SUGCT: variants seen among roughly 807,000 people sequenced by gnomAD.
SUGCT encodes succinyl-CoA:glutarate CoA-transferase.
Under a neutral mutation model 55.0 loss-of-function variants are expected in SUGCT, and 41 were observed. The ratio of observed to expected loss-of-function variants is 0.74; its 90% CI spans 0.58 to 0.97. The LOEUF is 0.97. Ranked by LOEUF, SUGCT falls within the 50% of genes least tolerant of loss-of-function variation. SUGCT has a pLI of 0.00. For missense variants in SUGCT, 568 were observed against 547.8 expected (o/e 1.04, Z -0.37); for synonymous variants, 187 against 200.4 (o/e 0.93, Z 0.56).
intron 12 of SUGCT, among the ~76,000 whole-genome samples, chr7:40,650,674 C>T (rs1800734106): frequency 6.6e-6 from 1 of 152,102 alleles, no homozygotes; most frequent in Non-Finnish European, 1.5e-5. Flanking sequence ...AATTTGTTGC[C>T]TCATATTGCA....
chr7:40,749,564 C>G, intron 13 of SUGCT, 67 bp downstream of exon 13: 1 of 1,288,026 alleles, frequency 7.8e-7, no homozygotes, highest in Admixed American at 1.8e-5. Flanking sequence ...CTGTTTACTA[C>G]AGGTAGCTTA....
At chr7:40,929,078 C>G in the SUGCT span, among the ~76,000 whole-genome samples, 3 of 151,970 alleles carry the variant, frequency 2.0e-5, no homozygotes, top group South Asian at 4.2e-4. Context: ...TGCTATCCTT[C>G]CCCCAGCCCG....
At chr7:40,763,197 A>C (rs959613229) in intron 13 of SUGCT, among the ~76,000 whole-genome samples, 1 of 152,148 alleles carries the variant, frequency 6.6e-6, no homozygotes, top group African/African-American at 2.4e-5. Context: ...GGCTAGTTGT[A>C]GGGCACACCT....
the SUGCT span, among the ~76,000 whole-genome samples, chr7:40,905,420 C>T: frequency 1.3e-5 from 2 of 152,122 alleles, no homozygotes; most frequent in African/African-American, 4.8e-5. Context: ...GCAAGCATAA[C>T]TAATATTAAT....
chr7:40,648,912 G>T (rs535474856), intron 12 of SUGCT, among the ~76,000 whole-genome samples: 1 of 152,092 alleles, frequency 6.6e-6, no homozygotes, highest in Non-Finnish European at 1.5e-5. Flanking sequence ...GTTTTAAGCC[G>T]CCTAGTTTGA....
the SUGCT span, among the ~76,000 whole-genome samples, chr7:40,924,309 C>G: frequency 4.2e-5 from 5 of 119,474 alleles, no homozygotes; most frequent in African/African-American, 1.7e-4. Context: ...GGCATGATCT[C>G]AGTTTACTGC....
intron 13 of SUGCT, among the ~76,000 whole-genome samples, chr7:40,752,829 C>CT (rs979692969): frequency 7.2e-5 from 11 of 152,192 alleles, no homozygotes; most frequent in African/African-American, 2.4e-4. Context: ...TTTCTTTCTC[C>CT]TTTTTTTGTT....
At chr7:41,028,900 C>A in the SUGCT span, among the ~76,000 whole-genome samples, 5 of 152,154 alleles carry the variant, frequency 3.3e-5, no homozygotes, top group African/African-American at 9.7e-5. Flanking sequence ...CCCTCATGGG[C>A]TTGTTGAAGT....
intron 12 of SUGCT, among the ~76,000 whole-genome samples, chr7:40,714,467 T>G (rs888895361): frequency 4.0e-5 from 6 of 151,666 alleles, no homozygotes; most frequent in Non-Finnish European, 8.8e-5. Context: ...GAGCTATGGT[T>G]CTGCTGTAGT....
chr7:40,929,473 G>C, the SUGCT span, among the ~76,000 whole-genome samples: 1 of 152,266 alleles, frequency 6.6e-6, no homozygotes, highest in Admixed American at 6.5e-5. Flanking sequence ...GGTATTTCTA[G>C]TTCTAGATCC....
intron 9 of SUGCT, among the ~76,000 whole-genome samples, chr7:40,359,670 T>C (rs1798055876): frequency 1.3e-5 from 2 of 152,166 alleles, no homozygotes; most frequent in African/African-American, 4.8e-5. Flanking sequence ...GTCCTAACTG[T>C]GTTGTTGTAG....
chr7:40,268,783 C>T (rs547268287), intron 7 of SUGCT, among the ~76,000 whole-genome samples: 10 of 151,932 alleles, frequency 6.6e-5, no homozygotes, highest in Admixed American at 1.3e-4. Flanking sequence ...GGATTACAGG[C>T]GTGCACCACC....
the SUGCT span, among the ~76,000 whole-genome samples, chr7:41,003,936 C>T: frequency 6.6e-6 from 1 of 152,192 alleles, no homozygotes; most frequent in African/African-American, 2.4e-5. Flanking sequence ...AGCTGTATGG[C>T]TCTACGATAT....
At chr7:40,591,607 T>A (rs1447983616) in intron 12 of SUGCT, among the ~76,000 whole-genome samples, 5 of 152,178 alleles carry the variant, frequency 3.3e-5, no homozygotes, top group Non-Finnish European at 7.3e-5. Flanking sequence ...AACAGAGAAA[T>A]CTTTTGTGAA....
At chr7:40,222,877 C>T (rs551315513) in intron 6 of SUGCT, among the ~76,000 whole-genome samples, 1 of 152,262 alleles carries the variant, frequency 6.6e-6, no homozygotes, top group South Asian at 2.1e-4. Flanking sequence ...ATCCACCTGC[C>T]TAAGCCTCCC....
At chr7:40,834,474 AC>A (rs1178526934) in intron 13 of SUGCT, among the ~76,000 whole-genome samples, 1 of 152,216 alleles carries the variant, frequency 6.6e-6, no homozygotes, top group African/African-American at 2.4e-5. Flanking sequence ...GGCCACATTA[AC>A]CAGATTGCAG....
chr7:40,461,591 G>C (rs183764140), intron 11 of SUGCT, among the ~76,000 whole-genome samples: 1 of 152,162 alleles, frequency 6.6e-6, no homozygotes, highest in African/African-American at 2.4e-5. Flanking sequence ...TTCATGCCTT[G>C]TCCGTTGCCA....
chr7:40,221,812 A>C (rs951952835), intron 6 of SUGCT, among the ~76,000 whole-genome samples: 1 of 152,158 alleles, frequency 6.6e-6, no homozygotes, highest in African/African-American at 2.4e-5. Flanking sequence ...TTTAATTAAT[A>C]AATGTTAATT....
At chr7:40,963,270 C>T in the SUGCT span, among the ~76,000 whole-genome samples, 2 of 151,960 alleles carry the variant, frequency 1.3e-5, no homozygotes, top group African/African-American at 4.8e-5. Flanking sequence ...AGACTATCAT[C>T]AGGCTCTTTG....
Sources: gnomAD v4.1 joint callset for allele counts (sites outside exome capture counted in the v4.1 genomes callset) on GRCh38, gnomAD v4.1.1 for gene constraint, MANE v1.5 for transcripts, NCBI Gene and HGNC (gene_info 2026-07-23, HGNC 2026-07-21) for gene names.